UGT2B4: variants seen among roughly 807,000 people sequenced by gnomAD.
UGT2B4 encodes UDP glucuronosyltransferase family 2 member B4, also known as UDP-glucuronosyltransferase 2B4.
A neutral mutation model predicts 49.8 loss-of-function variants in UGT2B4; 49 were observed. The observed-to-expected ratio is 0.98, with a 90% CI of 0.78 to 1.25. UGT2B4 has a LOEUF of 1.25. UGT2B4 is among the 50% of genes most tolerant of loss of function. The pLI, the probability that UGT2B4 is intolerant of heterozygous loss-of-function variation, is 0.00. For synonymous variants in UGT2B4, 246 were observed against 217.7 expected, an observed-to-expected ratio of 1.13 and a Z score of -1.14; for missense variants, 729 against 627.7, an observed-to-expected ratio of 1.16 and a Z score of -1.73.
chr4:69,500,445 T>C (rs141753693), upstream of UGT2B4, among the ~76,000 whole-genome samples: 10 of 126,636 alleles, frequency 7.9e-5, no homozygotes, highest in East Asian at 2.2e-3. Context: ...TATTAATAAA[T>C]GACCTTTGAA....
In UGT2B4 at chr4:69,485,210, A is replaced by G. The variant is rs1035078130; in HGVS notation, c.1308T>C (p.Pro436=). 1 of 1,613,994 alleles carries G rather than the reference A, an allele frequency of 6.2e-7. No homozygotes were observed. Among genetic ancestry groups the G allele is most frequent in the East Asian group, 2.2e-5 (1 of 44,872 alleles). The part of the protein sequence containing the change: ...LNALKTVIND[P]LYKENAMKLS... Reference sequence around the variant, plus strand: ...AGTAAAAAAAAAGTTATACTCACAAAGGATCATTAATTACTGTCTTCAGTG... The same window carrying G: ...AGTAAAAAAAAAGTTATACTCACAAGGGATCATTAATTACTGTCTTCAGTG... Residue 436 remains proline, a splice_region_variant and synonymous_variant, in exon 5 of 6, where the codon CCT becomes CCC. Coordinates refer to ENST00000305107, the MANE Select transcript of UGT2B4 (RefSeq NM_021139.3).
chr4:69,498,207 C>G (rs1728214517), upstream of UGT2B4, among the ~76,000 whole-genome samples: 1 of 152,154 alleles, frequency 6.6e-6, no homozygotes, highest in Non-Finnish European at 1.5e-5. Context: ...GCATGTTTTG[C>G]TTTATTGTAG....
chr4:69,525,573 G>T, intron 1 of UGT2B4: 2 of 440,350 alleles, frequency 4.5e-6, no homozygotes, highest in South Asian at 6.5e-5. Flanking sequence ...TCATTTTTTG[G>T]GCAACGTGAT....
chr4:69,508,806 A>G (rs536813528), intron 1 of UGT2B4, among the ~76,000 whole-genome samples: 40 of 152,324 alleles, frequency 2.6e-4, no homozygotes, highest in Non-Finnish European at 5.7e-4. Flanking sequence ...ACCCCATGAC[A>G]TAAGTTTACC....
Position 69,495,201 on chromosome 4 carries a change from C to A in UGT2B4, c.661G>T (p.Glu221Ter). 1 of 1,592,696 alleles carries A rather than the reference C, an allele frequency of 6.3e-7. No individual in the cohort carries two copies. Among genetic ancestry groups the A allele is most frequent in the Non-Finnish European group, 8.5e-7 (1 of 1,172,666 alleles). Reference protein sequence around the residue: ...VKNMIYVLYFEFWFQIFDMKK... With the variant: ...VKNMIYVLYF ...ATGTCAAATATTTGGAACCAAAATT[C>A]AAAATAAAGCACATAGATCATATTT... Residue 221 changes from glutamate (E) to a stop codon, truncating the protein, a stop_gained, in exon 1 of 6, where the codon GAA becomes TAA. Transcript: ENST00000305107. LOFTEE classifies it high-confidence loss of function.
intron 3 of UGT2B4, among the ~76,000 whole-genome samples, chr4:69,488,909 T>C (rs977811445): frequency 1.3e-5 from 2 of 152,058 alleles, no homozygotes; most frequent in Non-Finnish European, 2.9e-5. Context: ...CTCTGAATAG[T>C]ACCCTGAATA....
chr4:69,508,456 G>T (rs1728527402), intron 1 of UGT2B4, among the ~76,000 whole-genome samples: 1 of 152,156 alleles, frequency 6.6e-6, no homozygotes, highest in Non-Finnish European at 1.5e-5. Context: ...CAATCTAAAT[G>T]CTCATCAGTG....
At chr4:69,522,680 A>C (rs576319379) in intron 1 of UGT2B4, among the ~76,000 whole-genome samples, 9 of 152,178 alleles carry the variant, frequency 5.9e-5, no homozygotes, top group Non-Finnish European at 1.2e-4. Flanking sequence ...TGGTTTCTAA[A>C]GATTGAGATG....
intron 5 of UGT2B4, 69 bp from the exon 6 acceptor site, chr4:69,480,979 C>G (rs1727569501): frequency 6.4e-7 from 1 of 1,552,836 alleles, no homozygotes; most frequent in South Asian, 1.2e-5. Flanking sequence ...AGGCTCACAC[C>G]TGCAATCCCA....
intron 2 of UGT2B4, among the ~76,000 whole-genome samples, chr4:69,493,205 A>C (rs556491073): frequency 2.6e-5 from 4 of 152,142 alleles, no homozygotes; most frequent in African/African-American, 9.6e-5. Flanking sequence ...TCTCATCTAA[A>C]TTATTAATAT....
At chr4:69,516,129 G>C (rs933502174) in intron 1 of UGT2B4, among the ~76,000 whole-genome samples, 1 of 152,128 alleles carries the variant, frequency 6.6e-6, no homozygotes, top group African/African-American at 2.4e-5. Flanking sequence ...TTTGCTGAGG[G>C]TAAGGGCTTC....
intron 3 of UGT2B4, among the ~76,000 whole-genome samples, chr4:69,489,135 A>C (rs1394198394): frequency 6.6e-6 from 1 of 152,166 alleles, no homozygotes; most frequent in Non-Finnish European, 1.5e-5. Context: ...TCACAGGGGC[A>C]GAATTTGGTG....
chr4:69,492,403 G>T (rs962344103), intron 2 of UGT2B4, among the ~76,000 whole-genome samples: 8 of 152,026 alleles, frequency 5.3e-5, no homozygotes, highest in African/African-American at 1.9e-4. Flanking sequence ...ATCGGTAAGG[G>T]ATTATTTTCT....
chr4:69,502,483 A>G (rs1220992401), intron 1 of UGT2B4, among the ~76,000 whole-genome samples: 3 of 151,888 alleles, frequency 2.0e-5, no homozygotes, highest in African/African-American at 7.3e-5. Context: ...GCTGTTTCTC[A>G]TATTTCACTG....
intron 1 of UGT2B4, among the ~76,000 whole-genome samples, chr4:69,512,413 G>A (rs528612597): frequency 2.0e-5 from 3 of 151,612 alleles, no homozygotes; most frequent in South Asian, 2.1e-4. Flanking sequence ...TTGCTTATTC[G>A]ACAGTGTGTT....
At chr4:69,522,873 T>A (rs1379230678) in intron 1 of UGT2B4, among the ~76,000 whole-genome samples, 2 of 152,214 alleles carry the variant, frequency 1.3e-5, no homozygotes, top group Non-Finnish European at 2.9e-5. Context: ...CATGTTTATG[T>A]AACATTCCAA....
chr4:69,485,463 G>T, intron 4 of UGT2B4, 36 bp from the exon 5 acceptor site: 1 of 1,609,126 alleles, frequency 6.2e-7, no homozygotes, highest in Middle Eastern at 1.7e-4. Context: ...ATTATTCATA[G>T]GAATAAAATG....
intron 2 of UGT2B4, among the ~76,000 whole-genome samples, chr4:69,490,823 G>A (rs147229596): frequency 1.4e-3 from 219 of 152,174 alleles, no homozygotes; most frequent in African/African-American, 4.8e-3. Context: ...GTTACCTGTA[G>A]CCACATTTGA....
intron 1 of UGT2B4, among the ~76,000 whole-genome samples, chr4:69,502,529 T>C (rs1315408848): frequency 6.6e-6 from 1 of 152,062 alleles, no homozygotes; most frequent in African/African-American, 2.4e-5. Context: ...CTGAGGCAAC[T>C]AGGGACTGGA....
Sources: gnomAD v4.1 joint callset for allele counts (sites outside exome capture counted in the v4.1 genomes callset) on GRCh38, gnomAD v4.1.1 for gene constraint, MANE v1.5 for transcripts, NCBI Gene and HGNC (gene_info 2026-07-23, HGNC 2026-07-21) for gene names.